ATP7A: variants seen among roughly 807,000 people sequenced by gnomAD.
ATP7A encodes copper-transporting ATPase 1.
A neutral mutation model predicts 83.5 loss-of-function variants in ATP7A; 7 were observed. That is an observed-to-expected ratio of 0.08 (90% CI 0.05 to 0.16). The LOEUF is 0.16. ATP7A is among the 10% of genes least tolerant of loss of function. The probability of loss-of-function intolerance (pLI) is 1.00; values close to 1 mark genes in which losing one functional copy is unlikely to be tolerated. For missense variants in ATP7A, 940 were observed against 1,120.8 expected (o/e 0.84, Z 2.30); for synonymous variants, 354 against 395.2 (o/e 0.90, Z 1.24).
intron 1 of ATP7A, among the ~76,000 whole-genome samples, chrX:77,938,481 C>A (rs977856885): frequency 8.9e-6 from 1 of 112,308 alleles, no homozygotes; most frequent in Non-Finnish European, 1.9e-5. Flanking sequence ...TCTTTACAAA[C>A]TTAAATCTCT....
At chrX:78,001,701 T>C (rs1456282577) in intron 5 of ATP7A, among the ~76,000 whole-genome samples, 2 of 111,289 alleles carry the variant, frequency 1.8e-5, no homozygotes, top group East Asian at 5.6e-4. Context: ...TTGATCCCCA[T>C]TCCCTGTCAG....
At chrX:77,936,081 G>C (rs1460042765) in intron 1 of ATP7A, among the ~76,000 whole-genome samples, 1 of 111,745 alleles carries the variant, frequency 8.9e-6, no homozygotes, top group African/African-American at 3.3e-5. Flanking sequence ...ATATAATTTT[G>C]AACAGGCAAC....
chrX:77,947,843 G>C (rs185954577), intron 1 of ATP7A, among the ~76,000 whole-genome samples: 40 of 103,957 alleles, frequency 3.8e-4, no homozygotes, highest in African/African-American at 1.4e-3. Context: ...GGGTTCAAGC[G>C]ATTCTCCTGC....
intron 6 of ATP7A, among the ~76,000 whole-genome samples, chrX:78,008,351 C>T (rs1016980862): frequency 2.7e-5 from 3 of 111,813 alleles, no homozygotes; most frequent in Non-Finnish European, 5.6e-5. Context: ...GAGCTCCTCA[C>T]GCAGTCATTC....
chrX:78,031,213 G>C (rs1459493608), intron 15 of ATP7A, among the ~76,000 whole-genome samples, 187 bp from the exon 16 acceptor site: 1 of 112,045 alleles, frequency 8.9e-6, no homozygotes, highest in Non-Finnish European at 1.9e-5. Flanking sequence ...GAGAGCTGTT[G>C]TGTATAACTA....
chrX:77,983,112 C>T (rs782679338), intron 2 of ATP7A, among the ~76,000 whole-genome samples: 6 of 111,637 alleles, frequency 5.4e-5, no homozygotes, highest in South Asian at 7.5e-4. Flanking sequence ...CTAATCACCT[C>T]TCAAAGGCCC....
In ATP7A at chrX:77,998,470, T is replaced by C; in HGVS notation, c.1337-8T>C. The C allele has an allele frequency of 8.3e-7, 1 of 1,209,197 alleles. No individual in the cohort carries two copies. Among genetic ancestry groups the C allele is most frequent in the Non-Finnish European group, 1.1e-6 (1 of 893,010 alleles). ...TGCAAATGAAAAGAATCTTTCCCTT[T>C]CTACCAGACACGAATGAGCCGTTGG... is the stretch of plus-strand genomic sequence containing the variant. On this transcript the variant is annotated splice_region_variant and splice_polypyrimidine_tract_variant and intron_variant, in intron 4 of 22. Coordinates refer to ENST00000341514, the MANE Select transcript of ATP7A (RefSeq NM_000052.7).
At chrX:77,999,005 T>C (rs1272230855) in intron 5 of ATP7A, among the ~76,000 whole-genome samples, 1 of 109,519 alleles carries the variant, frequency 9.1e-6, no homozygotes, top group Non-Finnish European at 1.9e-5. Flanking sequence ...ATAATTTTTT[T>C]TTTTTTTTTG....
chrX:77,981,372 A>C (rs1254591059), intron 2 of ATP7A, among the ~76,000 whole-genome samples: 1 of 112,237 alleles, frequency 8.9e-6, no homozygotes, highest in East Asian at 2.8e-4. Context: ...GGACCAAAGG[A>C]AGGTCAAATC....
In ATP7A at chrX:78,041,521, C is replaced by T. The variant is rs373833148; in HGVS notation, c.3801+788C>T. On this transcript the variant is annotated intron_variant, in intron 19 of 22. Transcript: ENST00000341514. ...AACTTCGGACCTCAGGTGATCCGCC[C>T]GCCTCGGCCTCCCAAAGTGCTGGGA... 3.0e-4 allele frequency among the ~76,000 whole-genome samples: 33 copies of T among 109,870 alleles called. No homozygotes were observed. In the East Asian group the frequency reaches 6.7e-3, roughly 22 times the overall value.
intron 14 of ATP7A, among the ~76,000 whole-genome samples, chrX:78,027,643 A>G (rs1182131518): frequency 2.7e-5 from 3 of 112,403 alleles, no homozygotes; most frequent in Non-Finnish European, 5.6e-5. Context: ...AGCCATCCTA[A>G]GCAAAAAGAA....
At position 78,049,578 on chromosome X, in the gene ATP7A, C is replaced by T. The variant is rs1467973255; in HGVS notation, c.*3008C>T. The T allele has an allele frequency of 8.9e-6, 1 of 112,457 alleles. No homozygotes were observed. Among genetic ancestry groups the T allele is most frequent in the Non-Finnish European group, 1.9e-5 (1 of 53,143 alleles). The allele number at this position is 112,457 out of a possible 1,213,427, so 9.3% of individuals were successfully genotyped here. A position where few individuals can be genotyped will look rare whatever the true frequency, so the allele number is the denominator to read the frequency against. The stretch of plus-strand genomic sequence containing the variant: ...TGTAGTCTCAAGATGTATGGTGTGT[C>T]ATTTGTGAAAATAGAAACGTTATTT... On this transcript the variant is annotated 3_prime_UTR_variant, in exon 23 of 23. Transcript: ENST00000341514.
At chrX:77,987,527 G>T (rs1227105994) in intron 2 of ATP7A, among the ~76,000 whole-genome samples, 1 of 105,562 alleles carries the variant, frequency 9.5e-6, no homozygotes, top group African/African-American at 3.5e-5. Flanking sequence ...CCAAAGAGAT[G>T]CAATCATGAC....
Position 78,047,005 on chromosome X carries a change from C to G in ATP7A, c.*435C>G, listed in dbSNP as rs2078087726. On this transcript the variant is annotated 3_prime_UTR_variant, in exon 23 of 23. Coordinates refer to ENST00000341514, the MANE Select transcript of ATP7A (RefSeq NM_000052.7). The stretch of plus-strand genomic sequence containing the variant: ...ATACTCTCAAGCCTGTATCCCTGCC[C>G]CACTGGGGAGCAATGACTTTCAAAG... 1 of 130,418 alleles carries G rather than the reference C, an allele frequency of 7.7e-6. No homozygotes were observed. The highest frequency in any genetic ancestry group is 1.5e-5 in the Non-Finnish European group (1 of 65,403). The allele number at this position is 130,418 out of a possible 1,213,427, so 10.7% of individuals were successfully genotyped here.
chrX:77,947,737 ATT>A (rs782600933), intron 1 of ATP7A, among the ~76,000 whole-genome samples: 12 of 61,705 alleles, frequency 1.9e-4, no homozygotes, highest in Non-Finnish European at 9.0e-5. Context: ...TGCCTGGCCA[ATT>A]TTTTTTTTTT....
intron 1 of ATP7A, chrX:77,965,325 A>G (rs1433828566): frequency 1.0e-5 from 3 of 294,247 alleles, no homozygotes; most frequent in Non-Finnish European, 1.3e-5. Context: ...CTCAACAACA[A>G]CAACAAAATA....
chrX:78,039,037 T>C (rs2078031563), intron 18 of ATP7A, 55 bp downstream of exon 18: 1 of 1,154,325 alleles, frequency 8.7e-7, no homozygotes, highest in African/African-American at 1.8e-5. Context: ...GTTTTATTAA[T>C]TTATTTATTT....
intron 1 of ATP7A, among the ~76,000 whole-genome samples, chrX:77,938,234 A>G (rs1487025085): frequency 1.8e-5 from 2 of 112,310 alleles, no homozygotes; most frequent in African/African-American, 3.2e-5. Flanking sequence ...AACTTTTTCC[A>G]CTGCTTGAGC....
intron 1 of ATP7A, among the ~76,000 whole-genome samples, chrX:77,931,870 G>A (rs781876232): frequency 1.1e-5 from 1 of 94,441 alleles, no homozygotes; most frequent in African/African-American, 4.0e-5. Context: ...GGGCAGAGGG[G>A]CTCCTCACTT....
Sources: gnomAD v4.1 joint callset for allele counts (sites outside exome capture counted in the v4.1 genomes callset) on GRCh38, gnomAD v4.1.1 for gene constraint, MANE v1.5 for transcripts, NCBI Gene and HGNC (gene_info 2026-07-23, HGNC 2026-07-21) for gene names.